The following ULK4 variants were observed in gnomAD, a reference collection of about 807,000 sequenced individuals.
ULK4 encodes the protein unc-51 like kinase 4.
A neutral mutation model predicts 160.6 loss-of-function variants in ULK4; 133 were observed. The ratio of observed to expected loss-of-function variants is 0.83; its 90% CI spans 0.72 to 0.96. The LOEUF (loss-of-function observed/expected upper bound fraction) is 0.96. Among genes scored for constraint, ULK4 ranks in the 40% least tolerant of loss-of-function variants. The probability of loss-of-function intolerance (pLI) is 0.00; values close to 1 mark genes in which losing one functional copy is unlikely to be tolerated. For synonymous variants in ULK4, 534 were observed against 539.8 expected (o/e 0.99, Z 0.15); for missense variants, 1,580 against 1,499.5 (o/e 1.05, Z -0.89).
At chr3:41,780,786 A>G (rs2125582499) in intron 21 of ULK4, among the ~76,000 whole-genome samples, 1 of 152,328 alleles carries the variant, frequency 6.6e-6, no homozygotes, top group South Asian at 2.1e-4. Context: ...ATCACTCTCC[A>G]GCTTAGATGC....
intron 35 of ULK4, among the ~76,000 whole-genome samples, chr3:41,292,717 G>T (rs1172565420): frequency 3.3e-5 from 5 of 151,980 alleles, no homozygotes; most frequent in Non-Finnish European, 4.4e-5. Context: ...AGGCCAAGGT[G>T]GATGGATCAC....
At chr3:41,415,985 T>C (rs2082518728) in intron 34 of ULK4, among the ~76,000 whole-genome samples, 1 of 152,254 alleles carries the variant, frequency 6.6e-6, no homozygotes, top group Non-Finnish European at 1.5e-5. Flanking sequence ...CAAACATTAT[T>C]GTTCCAATGA....
intron 35 of ULK4, among the ~76,000 whole-genome samples, chr3:41,255,042 A>C (rs752718905): frequency 2.7e-4 from 39 of 144,286 alleles, no homozygotes; most frequent in Non-Finnish European, 5.0e-4. Context: ...CAAATGCTCC[A>C]AGTAAAAGAT....
rs79670582 is a variant in ULK4, at chr3:41,763,584, A to G, written c.2194-9096T>C. Among the ~76,000 whole-genome samples, 1,083 of 152,336 alleles carry G rather than the reference A, an allele frequency of 7.1e-3. 11 individuals carry two copies. The highest frequency in any genetic ancestry group is 0.025 in the African/African-American group (1,039 of 41,580). Reference sequence around the variant, plus strand: ...AATATTCCATTGTGTGACTATAGAAACATTTACATATCCATTCTACTCCTG... The same window carrying G: ...AATATTCCATTGTGTGACTATAGAAGCATTTACATATCCATTCTACTCCTG... On this transcript the variant is annotated intron_variant, in intron 21 of 36. Coordinates refer to ENST00000301831, the MANE Select transcript of ULK4 (RefSeq NM_017886.4).
intron 9 of ULK4, among the ~76,000 whole-genome samples, chr3:41,912,154 CCT>C (rs770523116): frequency 6.6e-6 from 1 of 151,976 alleles, no homozygotes; most frequent in Non-Finnish European, 1.5e-5. Flanking sequence ...ATGGTGAAAC[CCT>C]GTCTCTACTA....
intron 19 of ULK4, among the ~76,000 whole-genome samples, chr3:41,807,286 A>G (rs1204889078): frequency 6.6e-6 from 1 of 152,212 alleles, no homozygotes; most frequent in Non-Finnish European, 1.5e-5. Flanking sequence ...AGAAAGATAT[A>G]TAATACTCTG....
intron 11 of ULK4, among the ~76,000 whole-genome samples, chr3:41,909,075 A>G (rs917807072): frequency 7.1e-6 from 1 of 141,134 alleles, no homozygotes; most frequent in African/African-American, 2.6e-5. Context: ...CCTGGGTGAC[A>G]AAGCAACACT....
intron 34 of ULK4, among the ~76,000 whole-genome samples, chr3:41,421,209 A>C (rs2082657720): frequency 1.3e-5 from 2 of 152,046 alleles, no homozygotes; most frequent in Admixed American, 1.3e-4. Context: ...AGTAACAACA[A>C]ATTTTTTGTT....
At chr3:41,902,674 T>A (rs1415360613) in intron 12 of ULK4, among the ~76,000 whole-genome samples, 1 of 144,292 alleles carries the variant, frequency 6.9e-6, no homozygotes, top group African/African-American at 2.5e-5. Flanking sequence ...GACTTTCAAT[T>A]AAAGAAAAAA....
intron 32 of ULK4, among the ~76,000 whole-genome samples, chr3:41,484,089 A>C (rs2084421093): frequency 6.6e-6 from 1 of 152,158 alleles, no homozygotes; most frequent in Non-Finnish European, 1.5e-5. Context: ...TAATTTCTTT[A>C]ACCTAGTCTG....
chr3:41,645,087 T>C lies in ULK4; in HGVS notation c.3071+18520A>G, dbSNP rs189902676. Among the ~76,000 whole-genome samples the C allele has an allele frequency of 9.7e-3, 1,477 of 152,222 alleles. 6 individuals are homozygous for C. The highest frequency in any genetic ancestry group is 0.016 in the Non-Finnish European group (1,058 of 68,006). On this transcript the variant is annotated intron_variant, in intron 30 of 36. Transcript: ENST00000301831. ...CATCTATTTGATTCTTCTCTCTTTT[T>C]TTCTTTATTAGTCTTGCCAGGGGTC...
At chr3:41,851,801 T>C (rs1575827209) in intron 17 of ULK4, among the ~76,000 whole-genome samples, 1 of 151,616 alleles carries the variant, frequency 6.6e-6, no homozygotes, top group Admixed American at 6.6e-5. Flanking sequence ...GCAGGAAAGA[T>C]CTAAAATTGA....
rs199983185 is a variant in ULK4, at chr3:41,656,789, TAAC to T, written c.3071+6815_3071+6817del. ...AATAGCTCTAACAAGCAAACTAAAATAACAACAATTCTTAGATACAGAACATAA... is the reference window on the plus strand; with the variant it reads ...AATAGCTCTAACAAGCAAACTAAAATAACAATTCTTAGATACAGAACATAA... On this transcript the variant is annotated intron_variant, in intron 30 of 36. Coordinates refer to ENST00000301831, the MANE Select transcript of ULK4 (RefSeq NM_017886.4). 6.1e-4 allele frequency among the ~76,000 whole-genome samples: 93 copies of T among 152,228 alleles called. No homozygotes were observed. The East Asian group carries it at 0.014, about 23-fold the overall frequency.
chr3:41,389,924 T>C (rs1285084377), intron 35 of ULK4, among the ~76,000 whole-genome samples: 2 of 152,182 alleles, frequency 1.3e-5, no homozygotes, highest in East Asian at 1.9e-4. Context: ...TTTCTATTAA[T>C]TGGAATAGTT....
At chr3:41,785,753 A>G (rs1447802421) in intron 21 of ULK4, among the ~76,000 whole-genome samples, 5 of 152,152 alleles carry the variant, frequency 3.3e-5, no homozygotes, top group African/African-American at 9.7e-5. Context: ...CTTTTCTTTA[A>G]GTAACAATAA....
intron 29 of ULK4, among the ~76,000 whole-genome samples, chr3:41,668,557 C>G (rs145665679): frequency 6.6e-6 from 1 of 152,196 alleles, no homozygotes; most frequent in East Asian, 1.9e-4. Flanking sequence ...GCTGTGCCAC[C>G]TAGGTTTGTA....
At chr3:41,589,315 C>T (rs1191754621) in intron 31 of ULK4, among the ~76,000 whole-genome samples, 2 of 149,818 alleles carry the variant, frequency 1.3e-5, no homozygotes, top group East Asian at 3.9e-4. Flanking sequence ...GGTAGAATTC[C>T]AGAGAGAAGA....
intron 29 of ULK4, among the ~76,000 whole-genome samples, chr3:41,679,386 C>A (rs770111408): frequency 2.0e-5 from 3 of 152,158 alleles, no homozygotes; most frequent in Non-Finnish European, 4.4e-5. Context: ...GACTGAAATG[C>A]AGACTCAAGG....
intron 31 of ULK4, among the ~76,000 whole-genome samples, chr3:41,571,809 C>T (rs1691987): frequency 0.71 from 107,695 of 152,026 alleles, 38,644 homozygotes; most frequent in Middle Eastern, 0.83. Context: ...ATATATTTTT[C>T]CAATCCTCAG....
Sources: gnomAD v4.1 joint callset for allele counts (sites outside exome capture counted in the v4.1 genomes callset) on GRCh38, gnomAD v4.1.1 for gene constraint, MANE v1.5 for transcripts, NCBI Gene and HGNC (gene_info 2026-07-23, HGNC 2026-07-21) for gene names.